TEAD1: variants seen among roughly 807,000 people sequenced by gnomAD.
TEAD1 encodes TEA domain transcription factor 1.
Under a neutral mutation model 54.9 loss-of-function variants are expected in TEAD1, and 9 were observed. That is an observed-to-expected ratio of 0.16 (90% CI 0.10 to 0.29). TEAD1 has a LOEUF of 0.29. TEAD1 is among the 10% of genes least tolerant of loss of function. TEAD1 has a pLI of 1.00. For synonymous variants in TEAD1, 200 were observed against 187.8 expected (o/e 1.07, Z -0.53); for missense variants, 387 against 535.9 (o/e 0.72, Z 2.74).
chr11:12,934,837 T>A (rs1949071510), intron 12 of TEAD1, among the ~76,000 whole-genome samples: 1 of 152,072 alleles, frequency 6.6e-6, no homozygotes, highest in South Asian at 2.1e-4. Context: ...ACGTAGTAAT[T>A]CATGGTCCTT....
At chr11:12,828,599 C>G (rs1382758701) in intron 3 of TEAD1, among the ~76,000 whole-genome samples, 1 of 149,784 alleles carries the variant, frequency 6.7e-6, no homozygotes, top group East Asian at 2.0e-4. Flanking sequence ...AAAGATACAG[C>G]TTTTGTTTTC....
intron 3 of TEAD1, among the ~76,000 whole-genome samples, chr11:12,776,555 A>C (rs1945423452): frequency 6.6e-6 from 1 of 152,044 alleles, no homozygotes; most frequent in South Asian, 2.1e-4. Flanking sequence ...TGGGTACTTT[A>C]CAGTGTGCTA....
intron 3 of TEAD1, among the ~76,000 whole-genome samples, chr11:12,798,490 G>A (rs1012192500): frequency 6.6e-6 from 1 of 152,154 alleles, no homozygotes; most frequent in African/African-American, 2.4e-5. Flanking sequence ...CAAGGTCTGG[G>A]ACTTGATTTC....
intron 2 of TEAD1, among the ~76,000 whole-genome samples, chr11:12,696,642 G>A (rs1439391608): frequency 1.3e-5 from 2 of 152,078 alleles, no homozygotes; most frequent in Admixed American, 6.5e-5. Flanking sequence ...TTCCCTTACC[G>A]TTTTTTCCTA....
intron 7 of TEAD1, among the ~76,000 whole-genome samples, chr11:12,881,597 G>C (rs1010235713): frequency 1.3e-5 from 2 of 152,236 alleles, no homozygotes; most frequent in African/African-American, 4.8e-5. Flanking sequence ...ACTTTGCCTA[G>C]AAGTGGTGAC....
At chr11:12,839,303 C>T (rs938466428) in intron 3 of TEAD1, among the ~76,000 whole-genome samples, 4 of 152,086 alleles carry the variant, frequency 2.6e-5, no homozygotes, top group South Asian at 2.1e-4. Flanking sequence ...CCCAGCTGCT[C>T]GGGAGGCTGA....
intron 5 of TEAD1, among the ~76,000 whole-genome samples, chr11:12,866,070 T>C (rs1947608604): frequency 6.6e-6 from 1 of 152,140 alleles, no homozygotes; most frequent in African/African-American, 2.4e-5. Context: ...CCCTCTGCAG[T>C]GGGCAGCATG....
intron 3 of TEAD1, among the ~76,000 whole-genome samples, chr11:12,848,232 C>G (rs1488538764): frequency 1.3e-5 from 2 of 152,152 alleles, no homozygotes; most frequent in African/African-American, 4.8e-5. Context: ...CTTCTAGAGC[C>G]TAGCCTAATT....
intron 2 of TEAD1, among the ~76,000 whole-genome samples, chr11:12,715,283 G>A (rs1381166302): frequency 6.6e-6 from 1 of 152,054 alleles, no homozygotes; most frequent in East Asian, 1.9e-4. Flanking sequence ...GGATGGAAAA[G>A]CCTCGTGACC....
At chr11:12,875,954 C>T (rs1041298620) in intron 5 of TEAD1, among the ~76,000 whole-genome samples, 4 of 152,180 alleles carry the variant, frequency 2.6e-5, no homozygotes, top group African/African-American at 4.8e-5. Flanking sequence ...AAAGAAACTT[C>T]GAAGTCATTA....
intron 2 of TEAD1, among the ~76,000 whole-genome samples, chr11:12,703,778 G>T (rs1474678153): frequency 6.6e-6 from 1 of 152,176 alleles, no homozygotes; most frequent in Non-Finnish European, 1.5e-5. Flanking sequence ...GGTGAGTGGT[G>T]CCCAGCATGA....
At chr11:12,885,045 A>C (rs1415791718) in intron 9 of TEAD1, among the ~76,000 whole-genome samples, 2 of 152,098 alleles carry the variant, frequency 1.3e-5, no homozygotes, top group African/African-American at 4.8e-5. Flanking sequence ...GTGCCCCATC[A>C]GATAGGTTCT....
intron 2 of TEAD1, among the ~76,000 whole-genome samples, chr11:12,759,362 T>G (rs890594315): frequency 6.6e-6 from 1 of 152,154 alleles, no homozygotes; most frequent in African/African-American, 2.4e-5. Context: ...TTACTCTTTT[T>G]GAAGCCTCAG....
rs966111569 is a variant in TEAD1 at position 12,865,089 on chromosome 11, G to T, written c.330+189G>T. ...GCCTCACATTAAACTCAATGTGTGT[G>T]AGCGCGTGTGTGTGTTTGCGTGTGT... On this transcript the variant is annotated intron_variant, in intron 5 of 12. Transcript: ENST00000527636. The T allele has an allele frequency of 6.2e-5, 43 of 694,900 alleles. No homozygotes were observed. In the African/African-American group the frequency reaches 7.6e-4, roughly 12 times the overall value. The allele number at this position is 694,900 out of a possible 1,614,324, so 43.0% of individuals were successfully genotyped here. A position where few individuals can be genotyped will look rare whatever the true frequency, so the allele number is the denominator to read the frequency against.
At chr11:12,891,075 T>C (rs1017334869) in intron 9 of TEAD1, among the ~76,000 whole-genome samples, 7 of 152,148 alleles carry the variant, frequency 4.6e-5, no homozygotes, top group Non-Finnish European at 8.8e-5. Flanking sequence ...TCAATTAGTT[T>C]TTAAAATCAA....
chr11:12,794,695 C>T (rs1564942204), intron 3 of TEAD1, among the ~76,000 whole-genome samples: 1 of 152,206 alleles, frequency 6.6e-6, no homozygotes, highest in Admixed American at 6.5e-5. Context: ...TGTTCCCACT[C>T]ATAATGAGCA....
intron 2 of TEAD1, among the ~76,000 whole-genome samples, chr11:12,688,176 C>T (rs762364575): frequency 6.6e-6 from 1 of 152,236 alleles, no homozygotes; most frequent in African/African-American, 2.4e-5. Flanking sequence ...TCTTCCCACC[C>T]AGGTGACCAG....
intron 10 of TEAD1, among the ~76,000 whole-genome samples, chr11:12,914,393 T>C (rs1490297389): frequency 2.0e-5 from 3 of 152,226 alleles, no homozygotes; most frequent in Admixed American, 6.5e-5. Context: ...ATTCCTATTA[T>C]TCTTATTTAA....
chr11:12,897,790 C>T (rs543545762), intron 9 of TEAD1, among the ~76,000 whole-genome samples: 67 of 152,290 alleles, frequency 4.4e-4, no homozygotes, highest in African/African-American at 1.5e-3. Flanking sequence ...AGTTTTAAAA[C>T]GCTGTTTAGT....
Sources: allele counts gnomAD v4.1 joint callset (sites outside exome capture counted in the v4.1 genomes callset), GRCh38; gene constraint gnomAD v4.1.1; transcripts MANE v1.5; gene names NCBI Gene and HGNC (gene_info 2026-07-23, HGNC 2026-07-21).